The following LOC128125814 variants were observed in gnomAD, a reference collection of about 807,000 sequenced individuals.
the LOC128125814 span, among the ~76,000 whole-genome samples, chr12:57,519,946 C>A: frequency 6.6e-6 from 1 of 152,224 alleles, no homozygotes; most frequent in Non-Finnish European, 1.5e-5. Flanking sequence ...GTCCAGTAGC[C>A]CCAGCTACCA....
At chr12:57,520,473 T>C in the LOC128125814 span, 1 of 398,658 alleles carries the variant, frequency 2.5e-6, no homozygotes, top group East Asian at 3.6e-5. Context: ...CCCGCTCATC[T>C]TTAACATGAT....
At chr12:57,520,453 G>T in the LOC128125814 span, 3 of 398,652 alleles carry the variant, frequency 7.5e-6, no homozygotes, top group East Asian at 1.1e-4. Flanking sequence ...TTTTGGCTCT[G>T]TCGCTGCCAC....
At chr12:57,518,027 A>G in the LOC128125814 span, among the ~76,000 whole-genome samples, 1 of 152,016 alleles carries the variant, frequency 6.6e-6, no homozygotes, top group Non-Finnish European at 1.5e-5. Context: ...GGGTTTCACT[A>G]TGTTGGCCAG....
At chr12:57,519,102 C>A in the LOC128125814 span, 1 of 531,766 alleles carries the variant, frequency 1.9e-6, no homozygotes, top group Non-Finnish European at 3.8e-6. Context: ...GAAGGTCTTC[C>A]CATTTCTTCT....
At chr12:57,519,725 GA>G in the LOC128125814 span, among the ~76,000 whole-genome samples, 1 of 152,232 alleles carries the variant, frequency 6.6e-6, no homozygotes, top group Admixed American at 6.5e-5. Flanking sequence ...TGGGAGACAG[GA>G]CCGGGTTAAA....
chr12:57,519,134 T>C, the LOC128125814 span: 1 of 533,140 alleles, frequency 1.9e-6, no homozygotes, highest in South Asian at 1.4e-5. Context: ...TCCGCAACTC[T>C]ATTCACCATA....
At chr12:57,519,089 G>T in the LOC128125814 span, 7 of 530,530 alleles carry the variant, frequency 1.3e-5, 1 homozygote, top group South Asian at 9.8e-5. Flanking sequence ...CTTTCTGACT[G>T]CAGAAGGTCT....
the LOC128125814 span, among the ~76,000 whole-genome samples, chr12:57,518,212 G>A: frequency 1.1e-4 from 17 of 151,998 alleles, no homozygotes; most frequent in Non-Finnish European, 2.1e-4. Context: ...ATTTCGAAGG[G>A]CAGAAGAGGG....
At chr12:57,519,554 A>G in the LOC128125814 span, among the ~76,000 whole-genome samples, 1 of 152,196 alleles carries the variant, frequency 6.6e-6, no homozygotes, top group Admixed American at 6.5e-5. Context: ...TAGAGATGCA[A>G]TATTGCCCGA....
chr12:57,520,253 A>T, the LOC128125814 span, among the ~76,000 whole-genome samples: 1 of 152,186 alleles, frequency 6.6e-6, no homozygotes, highest in African/African-American at 2.4e-5. Flanking sequence ...CGTCGTCCGA[A>T]GCAATAGGGG....
At chr12:57,517,809 CT>C in the LOC128125814 span, 17 of 424,668 alleles carry the variant, frequency 4.0e-5, no homozygotes, top group Non-Finnish European at 5.4e-5. Context: ...AGGCAACTTA[CT>C]TTTCTTTTTC....
chr12:57,518,917 C>T, the LOC128125814 span, among the ~76,000 whole-genome samples: 1 of 152,222 alleles, frequency 6.6e-6, no homozygotes, highest in East Asian at 1.9e-4. Flanking sequence ...CCTCTGGTCT[C>T]CCAAAGTGCT....
the LOC128125814 span, among the ~76,000 whole-genome samples, chr12:57,519,486 C>CA: frequency 1.3e-5 from 2 of 152,220 alleles, no homozygotes; most frequent in Non-Finnish European, 2.9e-5. Context: ...AAACTCCCCC[C>CA]AGTCTCTCTT....
At chr12:57,519,161 C>T in the LOC128125814 span, 4 of 533,286 alleles carry the variant, frequency 7.5e-6, no homozygotes, top group Admixed American at 7.8e-5. Flanking sequence ...CCTGAGTGAG[C>T]CTTTTAAAAC....
chr12:57,520,411 T>C, the LOC128125814 span: 1 of 398,528 alleles, frequency 2.5e-6, no homozygotes, highest in African/African-American at 2.1e-5. Flanking sequence ...TGGGAATCAG[T>C]ACTCGCCTCT....
chr12:57,519,534 C>T, the LOC128125814 span, among the ~76,000 whole-genome samples: 4 of 152,212 alleles, frequency 2.6e-5, no homozygotes, highest in South Asian at 8.3e-4. Flanking sequence ...AGCTGCTGAT[C>T]CCTAGGGGCT....
chr12:57,517,805 C>A, the LOC128125814 span: 1 of 423,824 alleles, frequency 2.4e-6, no homozygotes, highest in Non-Finnish European at 4.1e-6. Flanking sequence ...GGAGAGGCAA[C>A]TTACTTTTCT....
At chr12:57,517,796 G>A in the LOC128125814 span, 571 of 428,662 alleles carry the variant, frequency 1.3e-3, 3 homozygotes, top group African/African-American at 9.5e-3. Flanking sequence ...TTGGAAGGGG[G>A]AGAGGCAACT....
chr12:57,520,224 G>A, the LOC128125814 span, among the ~76,000 whole-genome samples: 1 of 152,202 alleles, frequency 6.6e-6, no homozygotes, highest in Non-Finnish European at 1.5e-5. Context: ...TCCGGCTCCG[G>A]GCAGGGGTGG....
Sources: allele counts gnomAD v4.1 joint callset (sites outside exome capture counted in the v4.1 genomes callset), GRCh38; gene constraint gnomAD v4.1.1; transcripts MANE v1.5.